Variants in ARHGEF9 observed in about 807,000 individuals in gnomAD.
ARHGEF9 encodes rho guanine nucleotide exchange factor 9.
A neutral mutation model predicts 41.3 loss-of-function variants in ARHGEF9; 2 were observed. That is an observed-to-expected ratio of 0.05 (90% confidence interval 0.02 to 0.15). The LOEUF is 0.15. ARHGEF9 is among the 10% of genes least tolerant of loss of function. The probability of loss-of-function intolerance (pLI) is 1.00; values close to 1 mark genes in which losing one functional copy is unlikely to be tolerated. For missense variants in ARHGEF9, 225 were observed against 424.7 expected, an observed-to-expected ratio of 0.53 and a Z score of 4.13; for synonymous variants, 160 against 154.4, an observed-to-expected ratio of 1.04 and a Z score of -0.27.
chrX:63,762,907 A>C (rs1290013399), intron 1 of ARHGEF9, among the ~76,000 whole-genome samples: 1 of 112,063 alleles, frequency 8.9e-6, no homozygotes, highest in African/African-American at 3.2e-5. Context: ...CTTTGTGGTG[A>C]TCTACTTCCA....
At chrX:63,695,414 T>C (rs1263850338) in intron 4 of ARHGEF9, among the ~76,000 whole-genome samples, 2 of 111,908 alleles carry the variant, frequency 1.8e-5, no homozygotes, top group Non-Finnish European at 3.8e-5. Context: ...CTTCTAATGG[T>C]ATTCCAACAC....
chrX:63,655,297 C>T (rs181149087), intron 8 of ARHGEF9, among the ~76,000 whole-genome samples, 197 bp downstream of exon 8: 1 of 112,008 alleles, frequency 8.9e-6, no homozygotes, highest in East Asian at 2.8e-4. Flanking sequence ...GGAGGACAAC[C>T]TATAGTTCAA....
chrX:63,744,998 C>T (rs1323056158), intron 1 of ARHGEF9, among the ~76,000 whole-genome samples: 1 of 110,487 alleles, frequency 9.1e-6, no homozygotes, highest in Non-Finnish European at 1.9e-5. Flanking sequence ...CACCTACTCC[C>T]CAGCCTTCTT....
At chrX:63,684,849 T>C (rs2050882941) in intron 4 of ARHGEF9, among the ~76,000 whole-genome samples, 1 of 109,650 alleles carries the variant, frequency 9.1e-6, no homozygotes, top group African/African-American at 3.3e-5. Context: ...GAGGACATTA[T>C]GCTACATGAA....
intron 1 of ARHGEF9, among the ~76,000 whole-genome samples, chrX:63,773,931 C>A (rs782349521): frequency 9.0e-6 from 1 of 110,546 alleles, no homozygotes; most frequent in East Asian, 2.9e-4. Context: ...TCTTCTGGTT[C>A]TCAGGCCTTC....
intron 2 of ARHGEF9, among the ~76,000 whole-genome samples, chrX:63,711,057 A>G (rs782329122): frequency 1.8e-5 from 2 of 111,958 alleles, no homozygotes; most frequent in South Asian, 7.4e-4. Context: ...TAAGAAAATG[A>G]TCACATTTAA....
rs180804558 is a variant in ARHGEF9, at chrX:63,745,710, C to G, written c.31-20999G>C. ...GTACTAGGCACTTTAATATCTGCCC[C>G]TAAGTGATTCTCTGTAAATCCTGGC... On this transcript the variant is annotated intron_variant, in intron 1 of 9. Coordinates refer to ENST00000671741, the MANE Select transcript of ARHGEF9 (RefSeq NM_001353921.2). Among the ~76,000 whole-genome samples, 33 of 111,548 alleles carry G rather than the reference C, an allele frequency of 3.0e-4. No individual in the cohort carries two copies. In the East Asian group the frequency reaches 7.7e-3, roughly 26 times the overall value.
chrX:63,783,163 T>G (rs1341204792), intron 1 of ARHGEF9, among the ~76,000 whole-genome samples: 3 of 111,980 alleles, frequency 2.7e-5, no homozygotes, highest in African/African-American at 9.7e-5. Context: ...TGTCAATGAG[T>G]GGCTCTGGGC....
Position 63,636,635 on chromosome X carries a change from G to A in ARHGEF9, c.*1393C>T, listed in dbSNP as rs1473445236. On this transcript the variant is annotated 3_prime_UTR_variant, in exon 10 of 10. Coordinates refer to ENST00000671741, the MANE Select transcript of ARHGEF9 (RefSeq NM_001353921.2). ...ATCCTCCTGTGCTAGGATGGCAGGA[G>A]AAAGAAGAAAGAGAGAGGGAAAGAA... is the stretch of plus-strand genomic sequence containing the variant. 2.6e-5 allele frequency: 7 copies of A among 264,732 alleles called. No homozygotes were observed. Among genetic ancestry groups the A allele is most frequent in the Non-Finnish European group, 4.6e-5 (7 of 150,664 alleles). The allele number at this position is 264,732 out of a possible 1,213,427, so 21.8% of individuals were successfully genotyped here. A position where few individuals can be genotyped will look rare whatever the true frequency, so the allele number is the denominator to read the frequency against.
At chrX:63,740,193 C>T (rs1211385072) in intron 1 of ARHGEF9, among the ~76,000 whole-genome samples, 1 of 111,991 alleles carries the variant, frequency 8.9e-6, no homozygotes, top group Non-Finnish European at 1.9e-5. Flanking sequence ...GCTACATGAC[C>T]ACCTAAATGC....
chrX:63,707,950 T>A (rs2052665917), intron 2 of ARHGEF9, among the ~76,000 whole-genome samples: 1 of 112,084 alleles, frequency 8.9e-6, no homozygotes, highest in Non-Finnish European at 1.9e-5. Flanking sequence ...GTATTTTGTA[T>A]ATACAGCCAA....
intron 1 of ARHGEF9, among the ~76,000 whole-genome samples, chrX:63,783,181 C>T (rs1383005374): frequency 9.0e-6 from 1 of 111,471 alleles, no homozygotes; most frequent in Non-Finnish European, 1.9e-5. Flanking sequence ...GGCCCCTATA[C>T]TTCAATATAT....
In ARHGEF9 at chrX:63,784,660, G is replaced by T. The variant is rs1476479550; in HGVS notation, c.30+456C>A. On this transcript the variant is annotated intron_variant, in intron 1 of 9. Coordinates refer to ENST00000671741, the MANE Select transcript of ARHGEF9 (RefSeq NM_001353921.2). ...GGAGTTGCAGAAAATCTAGTTGGGG[G>T]CAGGGGGGAGTCATGCAGCTCTCCC... Among the ~76,000 whole-genome samples, 38 of 111,351 alleles carry T rather than the reference G, an allele frequency of 3.4e-4. No homozygotes were observed. In the Admixed American group the frequency reaches 3.6e-3, roughly 11 times the overall value.
At chrX:63,782,652 T>C (rs2056401044) in intron 1 of ARHGEF9, among the ~76,000 whole-genome samples, 1 of 112,499 alleles carries the variant, frequency 8.9e-6, no homozygotes, top group African/African-American at 3.2e-5. Context: ...TATAAAAAGC[T>C]CAGTTTGTAC....
intron 1 of ARHGEF9, among the ~76,000 whole-genome samples, chrX:63,757,458 C>G (rs1324877512): frequency 8.9e-6 from 1 of 111,777 alleles, no homozygotes; most frequent in Non-Finnish European, 1.9e-5. Context: ...CCCACTCTTG[C>G]TGGTTTCCTT....
At chrX:63,744,178 C>T in intron 1 of ARHGEF9, among the ~76,000 whole-genome samples, 1 of 112,392 alleles carries the variant, frequency 8.9e-6, no homozygotes, top group Admixed American at 9.4e-5. Context: ...TGTCAGGCCT[C>T]CACTGGGGCA....
rs1228792859 is a variant in ARHGEF9 at position 63,636,778 on chromosome X, C to T, written c.*1250G>A. ...GGATCAAGGCTATCTCTTTCCATTC[C>T]CATCCCTGTTCTTTCTTGTAAAAGG... is the stretch of plus-strand genomic sequence containing the variant. On this transcript the variant is annotated 3_prime_UTR_variant, in exon 10 of 10. Transcript: ENST00000671741. 3 of 294,789 alleles carry T rather than the reference C, an allele frequency of 1.0e-5. No individual in the cohort carries two copies. The highest frequency in any genetic ancestry group is 8.3e-5 in the African/African-American group (3 of 36,335). The allele number at this position is 294,789 out of a possible 1,213,427, so 24.3% of individuals were successfully genotyped here. A position where few individuals can be genotyped will look rare whatever the true frequency, so the allele number is the denominator to read the frequency against.
chrX:63,720,397 G>C (rs1602555974), intron 2 of ARHGEF9, among the ~76,000 whole-genome samples: 1 of 111,968 alleles, frequency 8.9e-6, no homozygotes, highest in Non-Finnish European at 1.9e-5. Flanking sequence ...ACAATCAACA[G>C]TAGAAAACCC....
intron 6 of ARHGEF9, among the ~76,000 whole-genome samples, chrX:63,673,243 G>A (rs1286986502): frequency 9.0e-6 from 1 of 111,316 alleles, no homozygotes; most frequent in East Asian, 2.8e-4. Flanking sequence ...CTTGAGTTGA[G>A]GTCAGTGGAA....
Sources: allele counts gnomAD v4.1 joint callset (sites outside exome capture counted in the v4.1 genomes callset), GRCh38; gene constraint gnomAD v4.1.1; transcripts MANE v1.5; gene names NCBI Gene and HGNC (gene_info 2026-07-23, HGNC 2026-07-21).